The following LIN28B variants were observed in gnomAD, a reference collection of about 807,000 sequenced individuals.
LIN28B encodes the protein lin-28 RNA binding posttranscriptional regulator B, also known as protein lin-28 homolog B.
A neutral mutation model predicts 21.9 loss-of-function variants in LIN28B; 5 were observed. That is an observed-to-expected ratio of 0.23 (90% CI 0.12 to 0.48). The LOEUF (loss-of-function observed/expected upper bound fraction) is 0.48. LIN28B is among the 20% of genes least tolerant of loss of function. The pLI is 0.98. For missense variants in LIN28B, 245 were observed against 310.5 expected, an observed-to-expected ratio of 0.79 and a Z score of 1.58; for synonymous variants, 109 against 111.3, an observed-to-expected ratio of 0.98 and a Z score of 0.13.
At chr6:104,971,742 T>G (rs1477128026) in intron 2 of LIN28B, among the ~76,000 whole-genome samples, 1 of 152,002 alleles carries the variant, frequency 6.6e-6, no homozygotes, top group African/African-American at 2.4e-5. Context: ...TTCTGTTTAC[T>G]TAGTTAAATT....
upstream of LIN28B, among the ~76,000 whole-genome samples, chr6:104,954,886 A>G (rs1306175296): frequency 6.6e-6 from 1 of 152,184 alleles, no homozygotes; most frequent in Non-Finnish European, 1.5e-5. Context: ...ATCTACCTAC[A>G]TTATTATGCT....
chr6:104,995,952 A>T (rs1422994415), intron 2 of LIN28B, among the ~76,000 whole-genome samples: 1 of 149,814 alleles, frequency 6.7e-6, no homozygotes, highest in African/African-American at 2.4e-5. Context: ...AAATTATTTT[A>T]AAATTATATA....
At chr6:105,020,676 AT>A (rs1395910537) in intron 2 of LIN28B, among the ~76,000 whole-genome samples, 2 of 151,920 alleles carry the variant, frequency 1.3e-5, no homozygotes, top group Non-Finnish European at 2.9e-5. Context: ...AATTTTAAAA[AT>A]TGAATTCTCA....
intron 2 of LIN28B, among the ~76,000 whole-genome samples, chr6:104,960,308 C>A (rs1415638130): frequency 6.6e-6 from 1 of 152,064 alleles, no homozygotes; most frequent in African/African-American, 2.4e-5. Flanking sequence ...CTACAAGTAA[C>A]AGATGGTTGT....
chr6:104,995,377 C>T (rs1381369656), intron 2 of LIN28B, among the ~76,000 whole-genome samples: 5 of 152,026 alleles, frequency 3.3e-5, no homozygotes, highest in South Asian at 2.1e-4. Flanking sequence ...TTGAGTGGAT[C>T]GGAGAGACAG....
chr6:104,989,408 A>G (rs945954385), intron 2 of LIN28B, among the ~76,000 whole-genome samples: 10 of 151,976 alleles, frequency 6.6e-5, no homozygotes, highest in South Asian at 6.2e-4. Flanking sequence ...ATTTTAGTAG[A>G]GCCAGGGTTG....
At chr6:105,040,776 C>T (rs932754859) in intron 3 of LIN28B, among the ~76,000 whole-genome samples, 1 of 151,982 alleles carries the variant, frequency 6.6e-6, no homozygotes, top group East Asian at 1.9e-4. Flanking sequence ...CCTTTTCAAT[C>T]GGATTTGGTA....
chr6:104,966,436 AT>A (rs948060758), intron 2 of LIN28B, among the ~76,000 whole-genome samples: 2 of 152,100 alleles, frequency 1.3e-5, no homozygotes, highest in Non-Finnish European at 2.9e-5. Context: ...GTTTTTATTA[AT>A]CATTTTAATT....
chr6:105,081,209 AATAACTTAT>A lies in LIN28B; in HGVS notation c.*2428_*2436del, dbSNP rs1228946176. On this transcript the variant is annotated 3_prime_UTR_variant, in exon 4 of 4. Transcript: ENST00000345080. ...AGTCCTGCTTACTCAAAACAAACCA[AATAACTTAT>A]ACCTTTATATAAGTATTATGTACTG... The A allele has an allele frequency of 1.3e-5, 2 of 152,652 alleles. No homozygotes were observed. The highest frequency in any genetic ancestry group is 4.8e-5 in the African/African-American group (2 of 41,452). 9.5% of individuals were successfully genotyped at this position (152,652 alleles called of 1,614,324 possible). A position where few individuals can be genotyped will look rare whatever the true frequency, so the allele number is the denominator to read the frequency against.
chr6:105,011,707 G>A (rs1025277192), intron 2 of LIN28B, among the ~76,000 whole-genome samples: 3 of 151,748 alleles, frequency 2.0e-5, no homozygotes, highest in Admixed American at 1.3e-4. Flanking sequence ...AAAATTAGCC[G>A]GGCATGGTGG....
Position 104,961,423 on chromosome 6 carries a change from T to C in LIN28B, c.198+3137T>C, listed in dbSNP as rs376811879. Among the ~76,000 whole-genome samples the C allele has an allele frequency of 2.0e-5, 3 of 152,130 alleles. No homozygotes were observed. The East Asian group carries it at 5.8e-4, about 29-fold the overall frequency. ...AAATTCTTTTATTTTTTTTTTGAGG[T>C]GGAGTCTCACACTGTCACCCGGGCT... On this transcript the variant is annotated intron_variant, in intron 2 of 3. Coordinates refer to ENST00000345080, the MANE Select transcript of LIN28B (RefSeq NM_001004317.4).
chr6:104,958,263 C>G lies in LIN28B; in HGVS notation c.175C>G (p.Pro59Ala). 4.5e-6 allele frequency: 7 copies of G among 1,570,262 alleles called. No individual in the cohort carries two copies. Among genetic ancestry groups the G allele is most frequent in the Non-Finnish European group, 6.1e-6 (7 of 1,149,040 alleles). The part of the protein sequence containing the change: ...INREGSPLDI[P>A]VDVFVHQSKL... ...CCGAGAGGGAAGCCCCTTGGATATT[C>G]CAGTCGATGTATTTGTACACCAAGT... The change falls in exon 2 of 4, where the codon CCA becomes GCA. Residue 59 changes from proline (P) to alanine (A), a missense_variant. Physicochemically the swap from Pro to Ala is conservative, Grantham distance 27. Coordinates refer to ENST00000345080, the MANE Select transcript of LIN28B (RefSeq NM_001004317.4).
chr6:105,008,052 G>T (rs1311591327), intron 2 of LIN28B, among the ~76,000 whole-genome samples: 7 of 152,174 alleles, frequency 4.6e-5, no homozygotes, highest in Non-Finnish European at 1.0e-4. Context: ...TGTGCCTTGT[G>T]TCCAAACTTT....
At chr6:104,961,873 A>C (rs1173793959) in intron 2 of LIN28B, among the ~76,000 whole-genome samples, 4 of 152,188 alleles carry the variant, frequency 2.6e-5, no homozygotes, top group Admixed American at 6.5e-5. Context: ...AAATGTTAAA[A>C]GTTTTTAATA....
intron 3 of LIN28B, among the ~76,000 whole-genome samples, chr6:105,027,510 A>G (rs1318807820): frequency 1.3e-5 from 2 of 151,866 alleles, no homozygotes; most frequent in Non-Finnish European, 2.9e-5. Context: ...ATTGATTTCT[A>G]AGTTCTCTTG....
At chr6:105,013,049 C>G (rs781069496) in intron 2 of LIN28B, among the ~76,000 whole-genome samples, 33 of 152,108 alleles carry the variant, frequency 2.2e-4, no homozygotes, top group Admixed American at 3.9e-4. Context: ...GAGTTTTGCT[C>G]TTGTTACCCA....
rs1203519691 is a variant in LIN28B at position 105,010,150 on chromosome 6, G to A, written c.199-16148G>A. Reference sequence around the variant, plus strand: ...GCAGACAGATCGCTTAAGCCCAGGAGTATGAGAGCAGCCTGGGCAACATGA... The same window carrying A: ...GCAGACAGATCGCTTAAGCCCAGGAATATGAGAGCAGCCTGGGCAACATGA... On this transcript the variant is annotated intron_variant, in intron 2 of 3. Coordinates refer to ENST00000345080, the MANE Select transcript of LIN28B (RefSeq NM_001004317.4). Among the ~76,000 whole-genome samples the A allele has an allele frequency of 3.3e-5, 5 of 151,750 alleles. No homozygotes were observed. The East Asian group carries it at 9.7e-4, about 29-fold the overall frequency.
At chr6:104,984,057 A>G (rs1246208312) in intron 2 of LIN28B, among the ~76,000 whole-genome samples, 1 of 152,224 alleles carries the variant, frequency 6.6e-6, no homozygotes, top group Non-Finnish European at 1.5e-5. Flanking sequence ...GCCAAATTGA[A>G]AATGTGGCTA....
At position 105,026,341 on chromosome 6, in the gene LIN28B, A is replaced by C. The variant is rs763640396; in HGVS notation, c.242A>C (p.Glu81Ala). Residue 81 changes from glutamate to alanine, a missense_variant, in exon 3 of 4, where the codon GAA becomes GCA. Physicochemically the swap from Glu to Ala is moderately radical, Grantham distance 107 (BLOSUM62 -1). Transcript: ENST00000345080. ...GGATTTAGAAGCCTAAAAGAAGGAGAACCAGTGGAATTCACATTTAAAAAA... is the reference window on the plus strand; with the variant it reads ...GGATTTAGAAGCCTAAAAGAAGGAGCACCAGTGGAATTCACATTTAAAAAA... ...MEGFRSLKEG[E>A]PVEFTFKKSS... 1.2e-6 allele frequency: 2 copies of C among 1,612,090 alleles called. No individual in the cohort carries two copies. Among genetic ancestry groups the C allele is most frequent in the Admixed American group, 3.3e-5 (2 of 59,764 alleles).
Sources: allele counts gnomAD v4.1 joint callset (sites outside exome capture counted in the v4.1 genomes callset), GRCh38; gene constraint gnomAD v4.1.1; transcripts MANE v1.5; gene names NCBI Gene and HGNC (gene_info 2026-07-23, HGNC 2026-07-21).